BAZ2B: variants seen among roughly 807,000 people sequenced by gnomAD.
BAZ2B encodes bromodomain adjacent to zinc finger domain protein 2B.
In BAZ2B, 91 loss-of-function variants were observed where a neutral mutation model predicts 246.0. That is an observed-to-expected ratio of 0.37 (90% CI 0.31 to 0.44). The LOEUF (loss-of-function observed/expected upper bound fraction) is 0.44. Among genes scored for constraint, BAZ2B ranks in the 20% least tolerant of loss-of-function variants. The pLI is 1.00. For missense variants in BAZ2B, 2,332 were observed against 2,533.7 expected (o/e 0.92, Z 1.71); for synonymous variants, 855 against 860.0 (o/e 0.99, Z 0.10).
the BAZ2B span, among the ~76,000 whole-genome samples, chr2:159,678,626 T>C: frequency 6.6e-6 from 1 of 152,136 alleles, no homozygotes; most frequent in Non-Finnish European, 1.5e-5. Flanking sequence ...TGAGACCACC[T>C]TGTGTCAAAA....
chr2:159,501,388 T>G (rs748511447), intron 2 of BAZ2B, among the ~76,000 whole-genome samples: 2 of 148,096 alleles, frequency 1.4e-5, no homozygotes, highest in Non-Finnish European at 3.0e-5. Context: ...AGTGAGATAC[T>G]GTGTCAAATT....
At chr2:159,359,612 C>T (rs1280714611) in intron 27 of BAZ2B, among the ~76,000 whole-genome samples, 1 of 152,128 alleles carries the variant, frequency 6.6e-6, no homozygotes, top group Non-Finnish European at 1.5e-5. Context: ...TTTATAAGGC[C>T]AGCGTCAATA....
At chr2:159,477,071 C>T (rs1239879670) in intron 3 of BAZ2B, among the ~76,000 whole-genome samples, 4 of 152,030 alleles carry the variant, frequency 2.6e-5, no homozygotes, top group African/African-American at 4.8e-5. Context: ...TTTAGGAGGC[C>T]GAGGAGGGCG....
rs1227761652 is a variant in BAZ2B at position 159,348,848 on chromosome 2, A to G, written c.5138-15T>C. On this transcript the variant is annotated splice_polypyrimidine_tract_variant and intron_variant, in intron 29 of 36. Transcript: ENST00000392783. The stretch of plus-strand genomic sequence containing the variant: ...AAACTGCATTTCTAAGTCAAGATAA[A>G]TAAGTAGAACTTTTACAAATATTTT... 3.8e-6 allele frequency: 6 copies of G among 1,581,682 alleles called. No homozygotes were observed. In the African/African-American group the frequency reaches 6.9e-5, roughly 18 times the overall value.
chr2:159,667,641 T>A, the BAZ2B span, among the ~76,000 whole-genome samples: 2 of 146,374 alleles, frequency 1.4e-5, no homozygotes, highest in Non-Finnish European at 3.0e-5. Context: ...AATAAATAAA[T>A]AAAAGACTCT....
the BAZ2B span, among the ~76,000 whole-genome samples, chr2:159,668,290 TA>T: frequency 6.9e-6 from 1 of 144,144 alleles, no homozygotes; most frequent in Non-Finnish European, 1.5e-5. Flanking sequence ...AGGATCTTTA[TA>T]CACATTATTG....
chr2:159,446,973 C>G lies in BAZ2B; in HGVS notation c.505G>C (p.Val169Leu), dbSNP rs2074342862. 4 of 1,545,408 alleles carry G rather than the reference C, an allele frequency of 2.6e-6. No homozygotes were observed. The highest frequency in any genetic ancestry group is 3.5e-6 in the Non-Finnish European group (4 of 1,148,394). Residue 169 changes from valine (V) to leucine (L), a missense_variant and splice_region_variant, in exon 6 of 37, where the codon GTA (valine) becomes CTA (leucine). Coordinates refer to ENST00000392783, the MANE Select transcript of BAZ2B (RefSeq NM_013450.4). ...TTACTTCCATTTATTGACCCATTTACACCTTGAAAATAAAAATAAACATGT... is the reference window on the plus strand; with the variant it reads ...TTACTTCCATTTATTGACCCATTTAGACCTTGAAAATAAAAATAAACATGT... ...KSNRNGPEKGVNGSINGSNTS... is the reference protein window; with the variant it reads ...KSNRNGPEKGLNGSINGSNTS...
At chr2:159,563,323 C>T (rs1178857598) in intron 1 of BAZ2B, among the ~76,000 whole-genome samples, 3 of 152,158 alleles carry the variant, frequency 2.0e-5, no homozygotes, top group East Asian at 3.9e-4. Flanking sequence ...TCATTATGTA[C>T]CTTAGGCAAT....
In BAZ2B at chr2:159,374,713, T is replaced by C; in HGVS notation, c.4046A>G (p.Lys1349Arg). 6.2e-7 allele frequency: 1 copy of C among 1,613,176 alleles called. No individual in the cohort carries two copies. The highest frequency in any genetic ancestry group is 8.5e-7 in the Non-Finnish European group (1 of 1,179,484). The change falls in exon 26 of 37, where the codon AAA (lysine) becomes AGA (arginine). Residue 1349 changes from lysine to arginine, a missense_variant. By Grantham distance (26) the Lys-to-Arg change is conservative. Around this residue, in one of 9 missense-constraint regions of BAZ2B, gnomAD observed 676 missense variants for 668.6 expected, o/e 1.01. Transcript: ENST00000392783. ...TACTTTACTCAGTTTTTCAATCTGT[T>C]TTTCCAGCTCTTCAACACTTGCTGC... is the stretch of plus-strand genomic sequence containing the variant. ...DQAASVEELE[K>R]QIEKLSKQQS...
At chr2:159,531,321 A>G (rs574091770) in intron 2 of BAZ2B, among the ~76,000 whole-genome samples, 1 of 152,140 alleles carries the variant, frequency 6.6e-6, no homozygotes, top group Non-Finnish European at 1.5e-5. Context: ...TCTAAAAAAA[A>G]TTTTTTTCGA....
chr2:159,388,896 G>A (rs552945906), intron 21 of BAZ2B, among the ~76,000 whole-genome samples: 1 of 151,908 alleles, frequency 6.6e-6, no homozygotes, highest in East Asian at 1.9e-4. Flanking sequence ...AGAGTCTGCC[G>A]CTACAAAAAA....
intron 1 of BAZ2B, among the ~76,000 whole-genome samples, chr2:159,603,627 T>A (rs1259652817): frequency 6.6e-6 from 1 of 151,998 alleles, no homozygotes; most frequent in Non-Finnish European, 1.5e-5. Context: ...CATCTTCCTA[T>A]ATTTCCTTCC....
intron 5 of BAZ2B, 66 bp downstream of exon 5, chr2:159,448,176 T>C (rs1188030594): frequency 6.5e-7 from 1 of 1,544,570 alleles, no homozygotes; most frequent in South Asian, 1.2e-5. Flanking sequence ...GTATTAAACC[T>C]GAACATTATG....
intron 14 of BAZ2B, among the ~76,000 whole-genome samples, chr2:159,410,863 A>G (rs7596028): frequency 0.98 from 148,854 of 152,232 alleles, 72,864 homozygotes; most frequent in Middle Eastern, 1. Context: ...GTGAAGATCT[A>G]GAAGTAGCTT....
intron 2 of BAZ2B, among the ~76,000 whole-genome samples, chr2:159,543,667 C>G (rs2086933722): frequency 6.6e-6 from 1 of 151,898 alleles, no homozygotes; most frequent in African/African-American, 2.4e-5. Flanking sequence ...TCCTGAGTAG[C>G]TGCAACTACA....
chr2:159,511,145 T>G (rs1214395990), intron 2 of BAZ2B, among the ~76,000 whole-genome samples: 1 of 152,230 alleles, frequency 6.6e-6, no homozygotes, highest in African/African-American at 2.4e-5. Context: ...ATTTTAATAA[T>G]GTTAAGACAA....
intron 2 of BAZ2B, among the ~76,000 whole-genome samples, chr2:159,495,820 A>G (rs2081055742): frequency 6.7e-6 from 1 of 150,218 alleles, no homozygotes; most frequent in African/African-American, 2.4e-5. Context: ...CCCAGGCTGC[A>G]GTGCAGTGGG....
chr2:159,463,019 C>T, intron 3 of BAZ2B: 1 of 753,932 alleles, frequency 1.3e-6, no homozygotes, highest in South Asian at 1.5e-5. Context: ...CCAGGTCCCC[C>T]ATGCTCTGTA....
chr2:159,335,049 T>C (rs1483175370), intron 33 of BAZ2B, among the ~76,000 whole-genome samples: 1 of 152,168 alleles, frequency 6.6e-6, no homozygotes, highest in African/African-American at 2.4e-5. Flanking sequence ...TAGCTGGGAC[T>C]ATCAGCATGC....
Sources: gnomAD v4.1 joint callset for allele counts (sites outside exome capture counted in the v4.1 genomes callset) on GRCh38, gnomAD v4.1.1 for gene constraint, gnomAD v4.1.1 regional missense constraint, MANE v1.5 for transcripts, NCBI Gene and HGNC (gene_info 2026-07-23, HGNC 2026-07-21) for gene names.